LRP1B: variants seen among roughly 807,000 people sequenced by gnomAD.
LRP1B encodes low-density lipoprotein receptor-related protein 1B.
LRP1B carries 217 observed loss-of-function variants against 556.6 expected under a neutral mutation model. That is an observed-to-expected ratio of 0.39 (90% confidence interval 0.35 to 0.44). LRP1B has a LOEUF of 0.44. LRP1B is among the 20% of genes least tolerant of loss of function. LRP1B has a pLI of 1.00. For missense variants in LRP1B, 5,053 were observed against 5,620.8 expected (o/e 0.90, Z 3.23); for synonymous variants, 2,047 against 1,865.8 (o/e 1.10, Z -2.50).
chr2:140,874,027 T>C (rs1693224936), intron 25 of LRP1B, among the ~76,000 whole-genome samples: 1 of 152,030 alleles, frequency 6.6e-6, no homozygotes, highest in South Asian at 2.1e-4. Flanking sequence ...ACAAAATGAC[T>C]GGTTGTTTAA....
chr2:140,877,854 C>A (rs1221985658), intron 25 of LRP1B, among the ~76,000 whole-genome samples: 1 of 152,130 alleles, frequency 6.6e-6, no homozygotes, highest in South Asian at 2.1e-4. Context: ...GTCATCAGGA[C>A]CTCCTGAAGC....
At chr2:141,121,611 A>C (rs1301199361) in intron 7 of LRP1B, among the ~76,000 whole-genome samples, 1 of 152,126 alleles carries the variant, frequency 6.6e-6, no homozygotes, top group Non-Finnish European at 1.5e-5. Flanking sequence ...GATACAAACA[A>C]ATGGAAGAAC....
At chr2:141,530,866 G>A (rs1684848794) in intron 2 of LRP1B, among the ~76,000 whole-genome samples, 1 of 150,546 alleles carries the variant, frequency 6.6e-6, no homozygotes, top group Admixed American at 6.6e-5. Context: ...AGTACGCTTG[G>A]GGCACAGGAA....
At chr2:140,513,671 T>C (rs1689759656) in intron 51 of LRP1B, among the ~76,000 whole-genome samples, 1 of 138,938 alleles carries the variant, frequency 7.2e-6, no homozygotes, top group Non-Finnish European at 1.6e-5. Context: ...AGAACTTCAG[T>C]TGAGCTTGAA....
intron 3 of LRP1B, among the ~76,000 whole-genome samples, chr2:141,400,353 G>T (rs1329689241): frequency 6.6e-6 from 1 of 152,152 alleles, no homozygotes; most frequent in African/African-American, 2.4e-5. Flanking sequence ...AACAAGAAAA[G>T]AAAGCCTTGG....
intron 2 of LRP1B, among the ~76,000 whole-genome samples, chr2:141,500,590 G>A (rs1440213958): frequency 6.6e-6 from 1 of 152,036 alleles, no homozygotes; most frequent in Non-Finnish European, 1.5e-5. Context: ...TAAAAATTCA[G>A]AAATATTTGT....
chr2:141,463,595 A>ATAATTATG (rs1682022737), intron 3 of LRP1B, among the ~76,000 whole-genome samples: 1 of 36,294 alleles, frequency 2.8e-5, no homozygotes, highest in Admixed American at 3.0e-4. Context: ...TATATAATAT[A>ATAATTATG]TATTATATAT....
chr2:141,062,907 TTTC>T (rs1419631195), intron 7 of LRP1B, among the ~76,000 whole-genome samples: 6 of 151,848 alleles, frequency 4.0e-5, no homozygotes, highest in African/African-American at 7.2e-5. Context: ...CTTCTTGTTT[TTTC>T]TTAATATTTA....
At chr2:141,562,593 A>ATCAGAT (rs1281693928) in intron 2 of LRP1B, among the ~76,000 whole-genome samples, 1 of 151,900 alleles carries the variant, frequency 6.6e-6, no homozygotes, top group Non-Finnish European at 1.5e-5. Flanking sequence ...TGAAGTGTAG[A>ATCAGAT]TCAGATCTTC....
chr2:140,819,362 C>G (rs1312190559), intron 31 of LRP1B, among the ~76,000 whole-genome samples: 1 of 151,976 alleles, frequency 6.6e-6, no homozygotes, highest in African/African-American at 2.4e-5. Context: ...ATAAAACAAG[C>G]ACATCAAAAT....
chr2:141,803,879 A>G (rs567701713), intron 2 of LRP1B, among the ~76,000 whole-genome samples: 67 of 152,286 alleles, frequency 4.4e-4, no homozygotes, highest in African/African-American at 1.6e-3. Flanking sequence ...TATGAATATA[A>G]GAAGTTCATT....
intron 1 of LRP1B, among the ~76,000 whole-genome samples, chr2:141,939,126 G>T (rs1700719739): frequency 6.6e-6 from 1 of 150,850 alleles, no homozygotes; most frequent in Non-Finnish European, 1.5e-5. Flanking sequence ...TAGGAGTGTA[G>T]ATTTCAGTTG....
intron 7 of LRP1B, among the ~76,000 whole-genome samples, chr2:141,143,054 G>C (rs562520346): frequency 6.7e-6 from 1 of 148,700 alleles, no homozygotes; most frequent in African/African-American, 2.5e-5. Context: ...TCAGCCTCCC[G>C]AGTAACTGGG....
chr2:140,290,994 A>G (rs1239801314), intron 84 of LRP1B, among the ~76,000 whole-genome samples: 2 of 152,062 alleles, frequency 1.3e-5, no homozygotes, highest in Non-Finnish European at 2.9e-5. Context: ...TTGGACTAAT[A>G]GTATTAATCT....
In LRP1B at chr2:140,609,554, A is replaced by C. The variant is rs1007745585; in HGVS notation, c.6800-7915T>G. Reference sequence around the variant, plus strand: ...TAAATAGAAAAAGTGTTTCACCCCAATCTTAATTATCCATATAAATTAGTT... The same window carrying C: ...TAAATAGAAAAAGTGTTTCACCCCACTCTTAATTATCCATATAAATTAGTT... On this transcript the variant is annotated intron_variant, in intron 41 of 90. Coordinates refer to ENST00000389484, the MANE Select transcript of LRP1B (RefSeq NM_018557.3). Among the ~76,000 whole-genome samples, 16 of 152,196 alleles carry C rather than the reference A, an allele frequency of 1.1e-4. 1 individual carries two copies. Among genetic ancestry groups the C allele is most frequent in the Admixed American group, 8.5e-4 (13 of 15,282 alleles).
chr2:142,020,745 T>C (rs1489499778), intron 1 of LRP1B, among the ~76,000 whole-genome samples: 1 of 152,166 alleles, frequency 6.6e-6, no homozygotes, highest in Non-Finnish European at 1.5e-5. Context: ...CTTCCCAGTG[T>C]GTGAATTCTT....
chr2:141,070,134 C>T (rs1480536032), intron 7 of LRP1B, among the ~76,000 whole-genome samples: 1 of 151,826 alleles, frequency 6.6e-6, no homozygotes, highest in African/African-American at 2.4e-5. Context: ...GACATGAACT[C>T]ATCATTTTTT....
chr2:140,742,283 G>T (rs1437769011), intron 35 of LRP1B, among the ~76,000 whole-genome samples: 3 of 152,176 alleles, frequency 2.0e-5, no homozygotes, highest in African/African-American at 7.2e-5. Flanking sequence ...GTTATGGAAA[G>T]ATGACTGAAT....
chr2:141,978,194 A>G (rs1701938826), intron 1 of LRP1B, among the ~76,000 whole-genome samples: 1 of 152,104 alleles, frequency 6.6e-6, no homozygotes, highest in Non-Finnish European at 1.5e-5. Context: ...TCTCTCTTCT[A>G]AAATTACATT....
Sources: gnomAD v4.1 joint callset for allele counts (sites outside exome capture counted in the v4.1 genomes callset) on GRCh38, gnomAD v4.1.1 for gene constraint, MANE v1.5 for transcripts, NCBI Gene and HGNC (gene_info 2026-07-23, HGNC 2026-07-21) for gene names.